Variants in STRN observed in about 807,000 individuals in gnomAD.
STRN encodes protein phosphatase 2 regulatory subunit B'''alpha.
A neutral mutation model predicts 96.3 loss-of-function variants in STRN; 53 were observed. The ratio of observed to expected loss-of-function variants is 0.55; its 90% CI spans 0.44 to 0.69. The LOEUF is 0.69. Among genes scored for constraint, STRN ranks in the 30% least tolerant of loss-of-function variants. STRN has a pLI of 0.00. For synonymous variants in STRN, 428 were observed against 355.9 expected (o/e 1.20, Z -2.28); for missense variants, 987 against 963.9 (o/e 1.02, Z -0.32).
At chr2:36,850,553 G>A (rs1182728502) in intron 16 of STRN, among the ~76,000 whole-genome samples, 1 of 152,048 alleles carries the variant, frequency 6.6e-6, no homozygotes, top group African/African-American at 2.4e-5. Context: ...CACTAAAAAA[G>A]GCTATTTGGT....
intron 5 of STRN, 94 bp from the exon 6 acceptor site, chr2:36,899,752 G>C: frequency 8.7e-7 from 1 of 1,155,628 alleles, no homozygotes; most frequent in Non-Finnish European, 1.2e-6. Flanking sequence ...CTATTTATAT[G>C]GTAACTATAA....
Position 36,846,628 on chromosome 2 carries a change from G to A in STRN, c.*2828C>T, listed in dbSNP as rs111237507. ...TCAGTGATGCAGCTCAATTTCCCCC[G>A]TTTTAGTCATAACTAAAATGATTAT... On this transcript the variant is annotated 3_prime_UTR_variant, in exon 18 of 18. Transcript: ENST00000263918. 6.6e-6 allele frequency: 1 copy of A among 150,810 alleles called. No individual in the cohort carries two copies. Among genetic ancestry groups the A allele is most frequent in the African/African-American group, 2.4e-5 (1 of 40,930 alleles). 9.3% of individuals were successfully genotyped at this position (150,810 alleles called of 1,614,324 possible).
chr2:36,846,387 T>TTATATATATATATATATATATA lies in STRN; in HGVS notation c.*3047_*3068dup, dbSNP rs57446302. The TTATATATATATATATATATATA allele has an allele frequency of 6.4e-5, 5 of 78,328 alleles. No homozygotes were observed. Among genetic ancestry groups the TTATATATATATATATATATATA allele is most frequent in the Non-Finnish European group, 8.7e-5 (4 of 46,188 alleles). The allele number at this position is 78,328 out of a possible 1,614,324, so 4.9% of individuals were successfully genotyped here. The stretch of plus-strand genomic sequence containing the variant: ...CAAAACAGTAAAATGCACCTATGGT[T>TTATATATATATATATATATATA]TATATATATATATATATATATATAT... On this transcript the variant is annotated 3_prime_UTR_variant, in exon 18 of 18. Transcript: ENST00000263918.
At chr2:36,882,138 G>T (rs1019311) in intron 9 of STRN, among the ~76,000 whole-genome samples, 142,933 of 152,138 alleles carry the variant, frequency 0.94, 67,784 homozygotes, top group East Asian at 1. Flanking sequence ...TGAAAATCTA[G>T]ATACATCTAA....
At chr2:36,914,759 G>A (rs970578884) in intron 3 of STRN, among the ~76,000 whole-genome samples, 2 of 152,136 alleles carry the variant, frequency 1.3e-5, no homozygotes, top group African/African-American at 4.8e-5. Context: ...CCTGGGTTCA[G>A]CTCCATATTC....
intron 1 of STRN, among the ~76,000 whole-genome samples, chr2:36,953,986 A>C (rs1197689938): frequency 6.6e-6 from 1 of 151,966 alleles, no homozygotes; most frequent in Non-Finnish European, 1.5e-5. Context: ...CAGCCTGGGC[A>C]GAATAGAAGA....
chr2:36,950,434 T>A, intron 1 of STRN, among the ~76,000 whole-genome samples: 1 of 152,154 alleles, frequency 6.6e-6, no homozygotes, highest in East Asian at 1.9e-4. Flanking sequence ...CAGGCTGGTC[T>A]CGAACTCCTG....
chr2:36,878,481 G>A (rs1464914854), intron 9 of STRN, among the ~76,000 whole-genome samples: 1 of 152,068 alleles, frequency 6.6e-6, no homozygotes, highest in South Asian at 2.1e-4. Context: ...ATTCTTAAAT[G>A]TGCCTATTTA....
intron 1 of STRN, among the ~76,000 whole-genome samples, chr2:36,927,530 G>C (rs1312190714): frequency 6.8e-6 from 1 of 146,062 alleles, no homozygotes; most frequent in African/African-American, 2.5e-5. Context: ...AAAAAGGGGG[G>C]GGGGGGTGGT....
rs1657263242 is a variant in STRN at position 36,861,119 on chromosome 2, G to A, written c.1669+13C>T. ...CCAATTTTATTCCTTCAGATCTTTGGGAAATCACCTACCATAAGAATCATA... is the reference window on the plus strand; with the variant it reads ...CCAATTTTATTCCTTCAGATCTTTGAGAAATCACCTACCATAAGAATCATA... On this transcript the variant is annotated intron_variant, in intron 13 of 17. Coordinates refer to ENST00000263918, the MANE Select transcript of STRN (RefSeq NM_003162.4). 1.2e-6 allele frequency: 2 copies of A among 1,610,586 alleles called. No homozygotes were observed. Among genetic ancestry groups the A allele is most frequent in the African/African-American group, 1.3e-5 (1 of 74,620 alleles).
chr2:36,956,770 G>GGCA (rs1664899494), intron 1 of STRN, among the ~76,000 whole-genome samples: 1 of 152,124 alleles, frequency 6.6e-6, no homozygotes, highest in African/African-American at 2.4e-5. Context: ...GGACTAAATA[G>GGCA]GCACATCTCT....
At chr2:36,870,786 A>C (rs1668742724) in intron 10 of STRN, among the ~76,000 whole-genome samples, 2 of 152,164 alleles carry the variant, frequency 1.3e-5, no homozygotes, top group African/African-American at 4.8e-5. Flanking sequence ...GTTAACTGTA[A>C]AACAGCTTTA....
Position 36,849,240 on chromosome 2 carries a change from A to T in STRN, c.*216T>A. The T allele has an allele frequency of 1.8e-6, 1 of 549,310 alleles. No homozygotes were observed. Among genetic ancestry groups the T allele is most frequent in the Non-Finnish European group, 3.1e-6 (1 of 319,068 alleles). The allele number at this position is 549,310 out of a possible 1,614,324, so 34.0% of individuals were successfully genotyped here. On this transcript the variant is annotated 3_prime_UTR_variant, in exon 18 of 18. Coordinates refer to ENST00000263918, the MANE Select transcript of STRN (RefSeq NM_003162.4). ...TGGGGAGAAATTTGAAACAGACCTC[A>T]GGCTCACAGATTCAGCTGAGCTTGC...
intron 9 of STRN, among the ~76,000 whole-genome samples, chr2:36,878,858 T>C (rs183528067): frequency 1.1e-3 from 173 of 152,082 alleles, no homozygotes; most frequent in African/African-American, 3.9e-3. Flanking sequence ...GTTCAAGAAA[T>C]TCTCCTGCCT....
chr2:36,904,624 C>T (rs1055032419), intron 4 of STRN, among the ~76,000 whole-genome samples: 9 of 152,082 alleles, frequency 5.9e-5, no homozygotes, highest in Non-Finnish European at 8.8e-5. Context: ...GTCAGGAGTT[C>T]GAGATCAGCC....
chr2:36,842,095 T>C lies in STRN; in HGVS notation c.*7361A>G, dbSNP rs969571027. 5 of 152,222 alleles carry C rather than the reference T, an allele frequency of 3.3e-5. No individual in the cohort carries two copies. Among genetic ancestry groups the C allele is most frequent in the South Asian group, 2.1e-4 (1 of 4,832 alleles). The allele number at this position is 152,222 out of a possible 1,614,324, so 9.4% of individuals were successfully genotyped here. On this transcript the variant is annotated 3_prime_UTR_variant, in exon 18 of 18. Transcript: ENST00000263918. ...TGGTCCCATTTCCAAAGGGAAGTAG[T>C]TGGATGCCAGCATACTTTAACATTT...
intron 1 of STRN, among the ~76,000 whole-genome samples, chr2:36,929,947 T>C (rs1670527905): frequency 6.6e-6 from 1 of 152,230 alleles, no homozygotes; most frequent in Admixed American, 6.5e-5. Flanking sequence ...AAAGAGGAAA[T>C]ATATAAGTAA....
At chr2:36,868,402 C>T (rs993758461) in intron 11 of STRN, among the ~76,000 whole-genome samples, 5 of 152,140 alleles carry the variant, frequency 3.3e-5, no homozygotes, top group Non-Finnish European at 7.4e-5. Flanking sequence ...ATATGTCTAT[C>T]CTTCATACTG....
At chr2:36,923,910 A>G (rs556176540) in intron 2 of STRN, among the ~76,000 whole-genome samples, 4 of 152,342 alleles carry the variant, frequency 2.6e-5, no homozygotes, top group South Asian at 4.1e-4. Context: ...AATAACTCAT[A>G]TAACTTCCAA....
Sources: gnomAD v4.1 joint callset for allele counts (sites outside exome capture counted in the v4.1 genomes callset) on GRCh38, gnomAD v4.1.1 for gene constraint, MANE v1.5 for transcripts, NCBI Gene and HGNC (gene_info 2026-07-23, HGNC 2026-07-21) for gene names.